Variants in DLG4 observed in about 807,000 individuals in gnomAD.
DLG4 encodes the protein discs large MAGUK scaffold protein 4.
In DLG4, 7 loss-of-function variants were observed where a neutral mutation model predicts 93.8. The ratio of observed to expected loss-of-function variants is 0.07; its 90% CI spans 0.04 to 0.14. The LOEUF is 0.14. Ranked by LOEUF, DLG4 falls within the 10% of genes least tolerant of loss-of-function variation. The pLI, the probability that DLG4 is intolerant of heterozygous loss-of-function variation, is 1.00. For synonymous variants in DLG4, 341 were observed against 387.6 expected, an observed-to-expected ratio of 0.88 and a Z score of 1.41; for missense variants, 545 against 992.9, an observed-to-expected ratio of 0.55 and a Z score of 6.06.
chr17:7,214,973 C>G (rs2070848108), intron 1 of DLG4, among the ~76,000 whole-genome samples: 1 of 152,152 alleles, frequency 6.6e-6, no homozygotes, highest in African/African-American at 2.4e-5. Flanking sequence ...AGCTGGGGAG[C>G]TCAACGACCG....
upstream of DLG4, chr17:7,220,021 C>T (rs63750670): frequency 6.2e-7 from 1 of 1,605,362 alleles, no homozygotes; most frequent in Non-Finnish European, 8.5e-7. Context: ...CTTGGGGCGG[C>T]AGCTGCTGAG....
intron 1 of DLG4, chr17:7,211,821 CGGGGGGGG>C (rs1318925894): frequency 5.4e-4 from 2 of 3,686 alleles, no homozygotes; most frequent in Admixed American, 2.4e-3. Flanking sequence ...GAGGCTGCGG[CGGGGGGGG>C]GGGGGGGGTG....
At chr17:7,207,059 G>A (rs1319281922) in intron 2 of DLG4, among the ~76,000 whole-genome samples, 4 of 152,176 alleles carry the variant, frequency 2.6e-5, no homozygotes, top group African/African-American at 4.8e-5. Flanking sequence ...AGAGGAGGAC[G>A]CTGTGAGCAG....
intron 17 of DLG4, 21 bp from the exon 18 acceptor site, chr17:7,192,023 C>A: frequency 8.2e-7 from 1 of 1,223,924 alleles, no homozygotes; most frequent in East Asian, 2.9e-5. Flanking sequence ...GCAGGGTGGG[C>A]GGAGGGGGGC....
chr17:7,212,754 G>A (rs879735399), intron 1 of DLG4, among the ~76,000 whole-genome samples: 3 of 152,130 alleles, frequency 2.0e-5, no homozygotes, highest in Non-Finnish European at 4.4e-5. Flanking sequence ...AAAAATTTTG[G>A]CCTGGCACGG....
At chr17:7,197,087 A>G in intron 8 of DLG4, 35 bp from the exon 9 acceptor site, 1 of 1,556,600 alleles carries the variant, frequency 6.4e-7, no homozygotes, top group Admixed American at 1.9e-5. Context: ...AAGTGCCTGG[A>G]GGGAAACAGC....
rs769063541 is a variant in DLG4, at chr17:7,208,168, G to T, written c.96+6C>A. The stretch of plus-strand genomic sequence containing the variant: ...CCGCCACGTGCACCAGCTCGGGGGC[G>T]TTTACCTGGTTGGGGAGGTGGGCCG... On this transcript the variant is annotated splice_donor_region_variant and intron_variant, in intron 2 of 19. Transcript: ENST00000399506. The surrounding 1 kb of genome is among the most constrained non-coding windows in gnomAD (Gnocchi z 5.4). The T allele has an allele frequency of 8.4e-6, 11 of 1,316,652 alleles. No individual in the cohort carries two copies. The highest frequency in any genetic ancestry group is 6.1e-5 in the Admixed American group (2 of 32,776). 81.6% of individuals were successfully genotyped at this position (1,316,652 alleles called of 1,614,324 possible). A position where few individuals can be genotyped will look rare whatever the true frequency, so the allele number is the denominator to read the frequency against.
Position 7,193,190 on chromosome 17 carries a change from C to A in DLG4, c.1694-73G>T. The A allele has an allele frequency of 1.3e-6, 2 of 1,579,110 alleles. No individual in the cohort carries two copies. The highest frequency in any genetic ancestry group is 1.2e-5 in the South Asian group (1 of 85,758). On this transcript the variant is annotated intron_variant, in intron 16 of 19. Coordinates refer to ENST00000399506, the MANE Select transcript of DLG4 (RefSeq NM_001321075.3). The surrounding 1 kb of genome is among the most constrained non-coding windows in gnomAD (Gnocchi z 6.7). ...TAGCTTAAATCCTGCCTACTTCAAT[C>A]AAATCCCCATAGTGCCCAGCTGGTC...
upstream of DLG4, chr17:7,219,766 TG>T: frequency 6.8e-7 from 1 of 1,479,386 alleles, no homozygotes. Context: ...TTAAGGAGTT[TG>T]GGGGAGACGA....
chr17:7,195,274 CG>C lies in DLG4; in HGVS notation c.1302-780del, dbSNP rs2069715092. Among the ~76,000 whole-genome samples, 2 of 152,136 alleles carry C rather than the reference CG, an allele frequency of 1.3e-5. No individual in the cohort carries two copies. Among genetic ancestry groups the C allele is most frequent in the South Asian group, 2.1e-4 (1 of 4,818 alleles). ...GGCCTGGAGAGGAGGGAGGAGACCCCGGGCCCCCTGGAAGTGTGACAACCAG... is the reference window on the plus strand; with the variant it reads ...GGCCTGGAGAGGAGGGAGGAGACCCCGGCCCCCTGGAAGTGTGACAACCAG... On this transcript the variant is annotated intron_variant, in intron 11 of 19. Coordinates refer to ENST00000399506, the MANE Select transcript of DLG4 (RefSeq NM_001321075.3). This position sits in a 1 kb window ranked among gnomAD's most constrained non-coding sequence, Gnocchi z 4.3.
chr17:7,193,869 G>T lies in DLG4; in HGVS notation c.1518C>A (p.Asp506Glu). 3 of 1,612,576 alleles carry T rather than the reference G, an allele frequency of 1.9e-6. No individual in the cohort carries two copies. The highest frequency in any genetic ancestry group is 2.5e-6 in the Non-Finnish European group (3 of 1,179,310). ...RREWSRLKAK[D>E]WGSSSGSQGR... ...CCTGCGATCCAGAGCTGGAGCCCCA[G>T]TCCTAAGAAGAAAAAGCAGGCCACG... Residue 506 changes from aspartate (D) to glutamate (E), a missense_variant and splice_region_variant, in exon 14 of 20, where the codon GAC becomes GAA. Around this residue, in one of 5 missense-constraint regions of DLG4, gnomAD observed 428 missense variants for 741.4 expected, o/e 0.58. Coordinates refer to ENST00000399506, the MANE Select transcript of DLG4 (RefSeq NM_001321075.3). The surrounding 1 kb of genome is among the most constrained non-coding windows in gnomAD (Gnocchi z 6.7).
chr17:7,199,420 C>T (rs2069994862), intron 8 of DLG4, among the ~76,000 whole-genome samples: 1 of 151,932 alleles, frequency 6.6e-6, no homozygotes, highest in Admixed American at 6.6e-5. Flanking sequence ...GGGCTGGTCT[C>T]GAACTCCTGA....
intron 3 of DLG4, 50 bp from the exon 4 acceptor site, chr17:7,204,117 C>A: frequency 1.9e-6 from 3 of 1,599,656 alleles, no homozygotes; most frequent in East Asian, 4.5e-5. Flanking sequence ...TCCTGTCTGA[C>A]CACCTGCCCG....
At chr17:7,192,559 G>A in intron 17 of DLG4, 2 of 251,386 alleles carry the variant, frequency 8.0e-6, no homozygotes, top group Admixed American at 5.2e-5. Flanking sequence ...GGAGAGGGGA[G>A]CCGGGCCCCA....
intron 1 of DLG4, among the ~76,000 whole-genome samples, chr17:7,215,369 T>G (rs1380907245): frequency 1.3e-5 from 2 of 152,154 alleles, no homozygotes; most frequent in Non-Finnish European, 2.9e-5. Context: ...CCACCCAGAA[T>G]AGCTGCCTGC....
intron 8 of DLG4, among the ~76,000 whole-genome samples, chr17:7,201,307 C>T (rs373831592): frequency 6.6e-6 from 1 of 152,182 alleles, no homozygotes; most frequent in Non-Finnish European, 1.5e-5. Flanking sequence ...TGTCTTGTTA[C>T]ACTGTCTGAA....
chr17:7,203,927 G>T lies in DLG4; in HGVS notation c.210+81C>A. On this transcript the variant is annotated intron_variant, in intron 4 of 19. Transcript: ENST00000399506. The surrounding 1 kb of genome is among the most constrained non-coding windows in gnomAD (Gnocchi z 7.2). ...CAGAGGAGGAAGGCACAGGGTGAGGGGCTAGCCACCCAGACCACATGGCAG... is the reference window on the plus strand; with the variant it reads ...CAGAGGAGGAAGGCACAGGGTGAGGTGCTAGCCACCCAGACCACATGGCAG... The T allele has an allele frequency of 1.3e-6, 2 of 1,587,148 alleles. No homozygotes were observed. The highest frequency in any genetic ancestry group is 2.3e-5 in the East Asian group (1 of 43,528).
At chr17:7,202,408 A>T (rs778189958) in intron 8 of DLG4, among the ~76,000 whole-genome samples, 6 of 152,132 alleles carry the variant, frequency 3.9e-5, no homozygotes, top group Non-Finnish European at 7.3e-5. Flanking sequence ...AGATTTCCTA[A>T]TATTGAGCCA....
In DLG4 at chr17:7,187,315, G is replaced by GGGCGGGA. The variant is rs2069322552; in HGVS notation, c.*3392_*3393insTCCCGCC. Among the ~76,000 whole-genome samples, 1 of 117,412 alleles carries GGGCGGGA rather than the reference G, an allele frequency of 8.5e-6. No individual in the cohort carries two copies. The highest frequency in any genetic ancestry group is 2.7e-5 in the African/African-American group (1 of 37,148). The allele number at this position is 117,412 out of a possible 152,430, so 77.0% of individuals were successfully genotyped here. ...AGCACTTTGGGAGGCCGAGGGGGGG[G>GGGCGGGA]GGGGTGGATCACCCGAGGTCAGGAG... On this transcript the variant is annotated 3_prime_UTR_variant, in exon 20 of 20. Transcript: ENST00000399506.
Sources: gnomAD v4.1 joint callset for allele counts (sites outside exome capture counted in the v4.1 genomes callset) on GRCh38, gnomAD v4.1.1 for gene constraint, gnomAD v4.1.1 regional missense constraint, Gnocchi (gnomAD v3.1) non-coding constraint, MANE v1.5 for transcripts, NCBI Gene and HGNC (gene_info 2026-07-23, HGNC 2026-07-21) for gene names.